The following MTOR variants were observed in gnomAD, a reference collection of about 807,000 sequenced individuals.
The protein encoded by MTOR is mechanistic target of rapamycin kinase, also known as serine/threonine-protein kinase mTOR.
A neutral mutation model predicts 319.8 loss-of-function variants in MTOR; 70 were observed. The observed-to-expected ratio is 0.22, with a 90% CI of 0.18 to 0.27. The LOEUF is 0.27. Ranked by LOEUF, MTOR falls within the 10% of genes least tolerant of loss-of-function variation. The pLI is 1.00. For missense variants in MTOR, 1,890 were observed against 3,274.4 expected, an observed-to-expected ratio of 0.58 and a Z score of 10.32; for synonymous variants, 1,183 against 1,211.4, an observed-to-expected ratio of 0.98 and a Z score of 0.49.
intron 28 of MTOR, among the ~76,000 whole-genome samples, chr1:11,187,762 T>A (rs540798105): frequency 6.6e-6 from 1 of 152,334 alleles, no homozygotes; most frequent in South Asian, 2.1e-4. Context: ...CTAAAATGAA[T>A]GCTATGGAGC....
intron 29 of MTOR, among the ~76,000 whole-genome samples, chr1:11,161,616 G>A (rs1252515100): frequency 6.6e-6 from 1 of 152,124 alleles, no homozygotes; most frequent in Non-Finnish European, 1.5e-5. Context: ...CAGCAACATT[G>A]GCTGCTCTGC....
chr1:11,236,684 T>A (rs1257556500), intron 13 of MTOR, among the ~76,000 whole-genome samples: 2 of 151,590 alleles, frequency 1.3e-5, no homozygotes, highest in African/African-American at 2.4e-5. Context: ...ATTTTTTTTT[T>A]ATTTTTAGTA....
chr1:11,128,762 C>T lies in MTOR; in HGVS notation c.5811+93G>A, dbSNP rs1183324074. The stretch of plus-strand genomic sequence containing the variant: ...TTCCTTAGCACTGTATTAACACACA[C>T]TGCCTTGTGACACTGAACACAGCAT... On this transcript the variant is annotated intron_variant, in intron 41 of 57. Transcript: ENST00000361445. The surrounding 1 kb of genome is among the most constrained non-coding windows in gnomAD (Gnocchi z 5.3). 8.6e-7 allele frequency: 1 copy of T among 1,157,398 alleles called. No homozygotes were observed. Among genetic ancestry groups the T allele is most frequent in the Non-Finnish European group, 1.3e-6 (1 of 783,096 alleles). 71.7% of individuals were successfully genotyped at this position (1,157,398 alleles called of 1,614,324 possible).
Position 11,133,301 on chromosome 1 carries a change from T to G in MTOR, c.5247-104A>C, listed in dbSNP as rs551881338. ...ACACTGAAGCCCTTCTGGTATTTCC[T>G]CTTATTCTCAAGAGGCAATGTGAAG... is the stretch of plus-strand genomic sequence containing the variant. On this transcript the variant is annotated intron_variant, in intron 37 of 57. Transcript: ENST00000361445. The surrounding 1 kb of genome is among the most constrained non-coding windows in gnomAD (Gnocchi z 4.0). 2.0e-6 allele frequency: 2 copies of G among 1,024,886 alleles called. No homozygotes were observed. Among genetic ancestry groups the G allele is most frequent in the South Asian group, 2.8e-5 (2 of 70,672 alleles). The allele number at this position is 1,024,886 out of a possible 1,614,324, so 63.5% of individuals were successfully genotyped here. A position where few individuals can be genotyped will look rare whatever the true frequency, so the allele number is the denominator to read the frequency against.
intron 2 of MTOR, among the ~76,000 whole-genome samples, 179 bp from the exon 3 acceptor site, chr1:11,258,772 C>T (rs1650752411): frequency 6.6e-6 from 1 of 152,182 alleles, no homozygotes; most frequent in Admixed American, 6.5e-5. Context: ...TTGCAATCAT[C>T]TGATTATTTA....
chr1:11,175,746 G>GTTTTTTTTTTTTTT (rs34392850), intron 28 of MTOR, among the ~76,000 whole-genome samples: 50 of 137,280 alleles, frequency 3.6e-4, no homozygotes, highest in African/African-American at 1.2e-3. Context: ...TCCCTAGCAG[G>GTTTTTTTTTTTTTT]TTTTTTTTTT....
intron 29 of MTOR, among the ~76,000 whole-genome samples, chr1:11,162,611 G>A (rs2100589569): frequency 6.6e-6 from 1 of 152,366 alleles, no homozygotes; most frequent in African/African-American, 2.4e-5. Flanking sequence ...CAAGCCAGAA[G>A]AGAGTGGGGG....
intron 26 of MTOR, among the ~76,000 whole-genome samples, chr1:11,202,273 C>T (rs1645996349): frequency 6.7e-6 from 1 of 149,746 alleles, no homozygotes; most frequent in African/African-American, 2.5e-5. Flanking sequence ...ACTAAAAGTA[C>T]AAAAAATTGG....
At chr1:11,119,573 GAAAAAAAAAAAA>G (rs555425607) in intron 49 of MTOR, among the ~76,000 whole-genome samples, 4 of 24,864 alleles carry the variant, frequency 1.6e-4, no homozygotes, top group Admixed American at 4.7e-4. Context: ...TCCGTCTCGA[GAAAAAAAAAAAA>G]AAAAAAAAAA....
intron 29 of MTOR, among the ~76,000 whole-genome samples, chr1:11,166,090 A>C (rs1406192136): frequency 1.3e-5 from 2 of 152,246 alleles, no homozygotes; most frequent in East Asian, 3.8e-4. Flanking sequence ...TACAAAAATC[A>C]ATTCAAGATG....
At chr1:11,230,069 C>A (rs1219682372) in intron 18 of MTOR, among the ~76,000 whole-genome samples, 1 of 151,870 alleles carries the variant, frequency 6.6e-6, no homozygotes, top group African/African-American at 2.4e-5. Context: ...ACTCATTCAC[C>A]AACCTCTCCC....
At position 11,234,108 on chromosome 1, in the gene MTOR, C is replaced by T. The variant is rs1225331530; in HGVS notation, c.2331+35G>A. 6 of 1,613,778 alleles carry T rather than the reference C, an allele frequency of 3.7e-6. No homozygotes were observed. In the African/African-American group the frequency reaches 5.3e-5, roughly 14 times the overall value. On this transcript the variant is annotated intron_variant, in intron 14 of 57. Transcript: ENST00000361445. The stretch of plus-strand genomic sequence containing the variant: ...CTCCCCATATGAGCTGATGACAACG[C>T]ACAGAGAAAGCACCAGCCTCTCGGT...
rs1475220274 is a variant in MTOR at position 11,256,368 on chromosome 1, A to G, written c.505-176T>C. ...GAAAGCAAAATTGATTAAACATCTC[A>G]GTGCTCATTATCCTAGGTTGTTTAC... On this transcript the variant is annotated intron_variant, in intron 4 of 57. Transcript: ENST00000361445. 3.1e-6 allele frequency: 3 copies of G among 959,438 alleles called. No homozygotes were observed. In the East Asian group the frequency reaches 3.4e-4, roughly 110 times the overall value. 59.4% of individuals were successfully genotyped at this position (959,438 alleles called of 1,614,324 possible). A position where few individuals can be genotyped will look rare whatever the true frequency, so the allele number is the denominator to read the frequency against.
intron 36 of MTOR, 63 bp from the exon 37 acceptor site, chr1:11,134,529 C>T (rs1557760933): frequency 7.1e-7 from 1 of 1,414,534 alleles, no homozygotes; most frequent in East Asian, 2.3e-5. Context: ...AGGAAGGGAG[C>T]TACCGTTCAT....
intron 47 of MTOR, among the ~76,000 whole-genome samples, chr1:11,123,852 A>T (rs1234657223): frequency 6.6e-6 from 1 of 151,782 alleles, no homozygotes; most frequent in African/African-American, 2.4e-5. Flanking sequence ...CAATGGTGCA[A>T]TCTTGGCTCA....
At position 11,247,662 on chromosome 1, in the gene MTOR, C is replaced by A; in HGVS notation, c.1188G>T (p.Leu396Phe). ...SLIQMTILNLLPRLAAFRPSA... is the reference protein window; with the variant it reads ...SLIQMTILNLFPRLAAFRPSA... ...AAGGTCGGAATGCAGCCAAGCGGGG[C>A]AACAAATTAAGGATTGTCATTTGGA... The change falls in exon 8 of 58, where the codon TTG becomes TTT. Residue 396 changes from leucine to phenylalanine, a missense_variant. By Grantham distance (22) the Leu-to-Phe change is conservative. Around this residue, in one of 15 missense-constraint regions of MTOR, gnomAD observed 418 missense variants for 543.1 expected, o/e 0.77. Coordinates refer to ENST00000361445, the MANE Select transcript of MTOR (RefSeq NM_004958.4). 6.2e-7 allele frequency: 1 copy of A among 1,614,122 alleles called. No homozygotes were observed. The highest frequency in any genetic ancestry group is 8.5e-7 in the Non-Finnish European group (1 of 1,180,022).
At chr1:11,108,001 TCA>T (rs1010966878) in intron 57 of MTOR, among the ~76,000 whole-genome samples, 178 bp downstream of exon 57, 4 of 152,242 alleles carry the variant, frequency 2.6e-5, no homozygotes, top group Non-Finnish European at 5.9e-5. Flanking sequence ...TCCATATTTC[TCA>T]GTTTCTTTTT....
intron 19 of MTOR, among the ~76,000 whole-genome samples, chr1:11,222,612 T>TA (rs1158655980): frequency 3.9e-5 from 6 of 152,116 alleles, no homozygotes; most frequent in Non-Finnish European, 8.8e-5. Context: ...GTGCTGATAT[T>TA]ACAGCCACCA....
rs188348379 is a variant in MTOR at position 11,137,621 on chromosome 1, T to C, written c.5130+1683A>G. Among the ~76,000 whole-genome samples, 59 of 152,362 alleles carry C rather than the reference T, an allele frequency of 3.9e-4. No homozygotes were observed. The East Asian group carries it at 8.9e-3, about 23-fold the overall frequency. The stretch of plus-strand genomic sequence containing the variant: ...GTCACTTGGAAGAAGGGGCTTCTCA[T>C]AGACCCACAGGATTTTAGCTAGGCA... On this transcript the variant is annotated intron_variant, in intron 36 of 57. Transcript: ENST00000361445.
Sources: gnomAD v4.1 joint callset for allele counts (sites outside exome capture counted in the v4.1 genomes callset) on GRCh38, gnomAD v4.1.1 for gene constraint, gnomAD v4.1.1 regional missense constraint, Gnocchi (gnomAD v3.1) non-coding constraint, MANE v1.5 for transcripts, NCBI Gene and HGNC (gene_info 2026-07-23, HGNC 2026-07-21) for gene names.